The following PPFIBP2 variants were observed in gnomAD, a reference collection of about 807,000 sequenced individuals.
The protein encoded by PPFIBP2 is PPFIB scaffold protein 2.
Under a neutral mutation model 118.3 loss-of-function variants are expected in PPFIBP2, and 118 were observed. The observed-to-expected ratio is 1.00, with a 90% confidence interval of 0.86 to 1.16. PPFIBP2 has a LOEUF of 1.16. Ranked by LOEUF, PPFIBP2 falls within the 50% of genes most tolerant of loss-of-function variation. The pLI, the probability that PPFIBP2 is intolerant of heterozygous loss-of-function variation, is 0.00. For missense variants in PPFIBP2, 1,195 were observed against 1,073.1 expected (o/e 1.11, Z -1.59); for synonymous variants, 414 against 397.4 (o/e 1.04, Z -0.50).
intron 1 of PPFIBP2, among the ~76,000 whole-genome samples, chr11:7,531,290 C>A (rs557302787): frequency 6.6e-6 from 1 of 152,304 alleles, no homozygotes; most frequent in African/African-American, 2.4e-5. Context: ...CCTTCCCCTG[C>A]CTCCCCACAT....
Position 7,597,649 on chromosome 11 carries a change from T to C in PPFIBP2, c.462T>C (p.Asn154=). ...TGGAAGGACACCAGGTGAAACTCAA[T>C]GCTGCTGAAGAGATGCTTCAACAGG... ...VCLEGHQVKL[N]AAEEMLQQEL... is the part of the protein sequence containing the mutation. Residue 154 remains asparagine, a synonymous_variant, in exon 5 of 24, where the codon AAT becomes AAC. Coordinates refer to ENST00000299492, the MANE Select transcript of PPFIBP2 (RefSeq NM_003621.5). 2 of 1,614,060 alleles carry C rather than the reference T, an allele frequency of 1.2e-6. No homozygotes were observed. Among genetic ancestry groups the C allele is most frequent in the Non-Finnish European group, 1.7e-6 (2 of 1,179,998 alleles).
intron 6 of PPFIBP2, among the ~76,000 whole-genome samples, chr11:7,615,905 C>G (rs1190760662): frequency 6.6e-6 from 1 of 152,082 alleles, no homozygotes; most frequent in African/African-American, 2.4e-5. Context: ...TAGAGGAAGA[C>G]CCAAGAATAT....
intron 1 of PPFIBP2, among the ~76,000 whole-genome samples, chr11:7,541,211 G>C (rs1290060780): frequency 2.0e-5 from 3 of 152,222 alleles, no homozygotes; most frequent in African/African-American, 7.2e-5. Context: ...AGGAGGCTGG[G>C]CCTCTTGCTT....
intron 1 of PPFIBP2, among the ~76,000 whole-genome samples, chr11:7,532,682 T>A (rs770587032): frequency 4.6e-5 from 7 of 152,188 alleles, no homozygotes; most frequent in Non-Finnish European, 8.8e-5. Context: ...AGCCCAGGCC[T>A]TCGGGGGAAG....
chr11:7,568,646 T>C (rs886840071), intron 3 of PPFIBP2, among the ~76,000 whole-genome samples: 1 of 151,960 alleles, frequency 6.6e-6, no homozygotes, highest in African/African-American at 2.4e-5. Flanking sequence ...GATGATAGAG[T>C]GGGGGAAAGT....
chr11:7,588,675 T>G (rs898900496), intron 3 of PPFIBP2, among the ~76,000 whole-genome samples: 1 of 152,208 alleles, frequency 6.6e-6, no homozygotes, highest in African/African-American at 2.4e-5. Context: ...TGTTTTATAT[T>G]TGCCTCCGCG....
intron 2 of PPFIBP2, among the ~76,000 whole-genome samples, chr11:7,551,200 T>A (rs1329151859): frequency 1.3e-5 from 2 of 152,062 alleles, no homozygotes; most frequent in Non-Finnish European, 2.9e-5. Context: ...ACCTGTGAGC[T>A]CCTCGGGGTC....
chr11:7,586,721 G>A (rs1858274173), intron 3 of PPFIBP2, among the ~76,000 whole-genome samples: 1 of 152,114 alleles, frequency 6.6e-6, no homozygotes, highest in Non-Finnish European at 1.5e-5. Flanking sequence ...TTGGGGAGGA[G>A]GATGCAATAG....
At chr11:7,576,614 G>A (rs756240019) in intron 3 of PPFIBP2, 1 of 152,518 alleles carries the variant, frequency 6.6e-6, no homozygotes, top group Admixed American at 6.5e-5. Context: ...CCACCTCCTT[G>A]GTTTGTAAAG....
intron 6 of PPFIBP2, among the ~76,000 whole-genome samples, chr11:7,617,923 T>C (rs892684642): frequency 1.3e-5 from 2 of 149,142 alleles, no homozygotes; most frequent in Non-Finnish European, 3.0e-5. Context: ...CACACGGGGG[T>C]AACCTGGTCC....
At chr11:7,656,661 C>T (rs929345213), downstream of PPFIBP2, 13 of 1,183,524 alleles carry the variant, frequency 1.1e-5, no homozygotes, top group African/African-American at 1.6e-5. Context: ...AGTTCCGGTG[C>T]AGCTGCCGCA....
rs1337930118 is a variant in PPFIBP2 at position 7,653,062 on chromosome 11, A to G, written c.2475A>G (p.Arg825=). 1 of 1,613,320 alleles carries G rather than the reference A, an allele frequency of 6.2e-7. No homozygotes were observed. Among genetic ancestry groups the G allele is most frequent in the East Asian group, 2.2e-5 (1 of 44,866 alleles). Residue 825 remains arginine (R), a synonymous_variant, in exon 24 of 24, where the codon AGA becomes AGG. Transcript: ENST00000299492. ...GATTTTCACACTTCGGAAACATAAG[A>G]AAAAAGAAGTTCGATGAATCGACGG... The part of the protein sequence containing the change: ...KLGFSHFGNI[R]KKKFDESTDY...
In PPFIBP2 at chr11:7,649,634, C is replaced by G. The variant is rs1590809613; in HGVS notation, c.2101C>G (p.His701Asp). Residue 701 changes from histidine (H) to aspartate (D), a missense_variant, in exon 21 of 24, where the codon CAC (histidine) becomes GAC (aspartate). His to Asp is a moderately conservative substitution (Grantham distance 81). Transcript: ENST00000299492. ...HVNKFNPHCL[H>D]RRPADESNLS... is the part of the protein sequence containing the mutation. ...CAACAAGTTCAACCCCCACTGCCTGCACCGGCGGCCAGCTGATGAGGTGAG... is the reference window on the plus strand; with the variant it reads ...CAACAAGTTCAACCCCCACTGCCTGGACCGGCGGCCAGCTGATGAGGTGAG... The G allele has an allele frequency of 1.2e-6, 2 of 1,614,272 alleles. No homozygotes were observed. Among genetic ancestry groups the G allele is most frequent in the Non-Finnish European group, 1.7e-6 (2 of 1,180,052 alleles).
rs200139261 is a variant in PPFIBP2, at chr11:7,653,128, T to C, written c.2541T>C (p.Asp847=). 1 of 1,614,180 alleles carries C rather than the reference T, an allele frequency of 6.2e-7. No homozygotes were observed. The highest frequency in any genetic ancestry group is 1.6e-4 in the Middle Eastern group (1 of 6,062). ...CPMEPSDGVS[D]SHRVYSGYRG... Reference sequence around the variant, plus strand: ...TGGAGCCCAGTGACGGTGTCAGTGATAGTCACAGGGTCTACAGTGGCTACC... The same window carrying C: ...TGGAGCCCAGTGACGGTGTCAGTGACAGTCACAGGGTCTACAGTGGCTACC... Residue 847 remains aspartate (D), a synonymous_variant, in exon 24 of 24, where the codon GAT becomes GAC. Transcript: ENST00000299492.
At chr11:7,608,494 G>C (rs1463688622) in intron 5 of PPFIBP2, among the ~76,000 whole-genome samples, 2 of 152,092 alleles carry the variant, frequency 1.3e-5, no homozygotes, top group African/African-American at 2.4e-5. Flanking sequence ...TACAAAATCC[G>C]CTGGGCGTGG....
At chr11:7,601,180 A>G (rs561051853) in intron 5 of PPFIBP2, among the ~76,000 whole-genome samples, 8 of 152,348 alleles carry the variant, frequency 5.3e-5, no homozygotes, top group East Asian at 1.9e-4. Flanking sequence ...TTCATGAACA[A>G]TATACTCACT....
intron 3 of PPFIBP2, among the ~76,000 whole-genome samples, chr11:7,569,762 T>C (rs777531827): frequency 6.6e-6 from 1 of 152,150 alleles, no homozygotes; most frequent in Non-Finnish European, 1.5e-5. Flanking sequence ...TCAGTGCTCA[T>C]GGAGGATGAA....
rs566933008 is a variant in PPFIBP2 at position 7,584,617 on chromosome 11, G to A, written c.280-8515G>A. Among the ~76,000 whole-genome samples the A allele has an allele frequency of 3.3e-5, 5 of 152,248 alleles. No individual in the cohort carries two copies. In the South Asian group the frequency reaches 1.0e-3, roughly 32 times the overall value. On this transcript the variant is annotated intron_variant, in intron 3 of 23. Coordinates refer to ENST00000299492, the MANE Select transcript of PPFIBP2 (RefSeq NM_003621.5). Reference sequence around the variant, plus strand: ...TAAAACTCCTTAATAAAAAAATCTAGGGGAAGTTTTCTTTTTTATAAGAAC... The same window carrying A: ...TAAAACTCCTTAATAAAAAAATCTAAGGGAAGTTTTCTTTTTTATAAGAAC...
chr11:7,542,099 T>C (rs567777009), intron 1 of PPFIBP2, among the ~76,000 whole-genome samples: 3 of 152,344 alleles, frequency 2.0e-5, no homozygotes, highest in African/African-American at 7.2e-5. Flanking sequence ...TCAGATCATG[T>C]CAACTCTATC....
Sources: allele counts gnomAD v4.1 joint callset (sites outside exome capture counted in the v4.1 genomes callset), GRCh38; gene constraint gnomAD v4.1.1; transcripts MANE v1.5; gene names NCBI Gene and HGNC (gene_info 2026-07-23, HGNC 2026-07-21).